Variants in INSYN2B observed in about 807,000 individuals in gnomAD.
INSYN2B encodes the protein inhibitory synaptic factor family member 2B, also known as protein INSYN2B.
INSYN2B carries 16 observed loss-of-function variants against 41.2 expected under a neutral mutation model. That is an observed-to-expected ratio of 0.39 (90% confidence interval 0.26 to 0.59). The LOEUF is 0.59. INSYN2B is among the 20% of genes least tolerant of loss of function. The pLI is 0.57. For missense variants in INSYN2B, 608 were observed against 646.4 expected (o/e 0.94, Z 0.64); for synonymous variants, 245 against 244.4 (o/e 1.00, Z -0.02).
chr5:169,961,978 C>CAAAAAAAAAAAAAA (rs70979150), intron 1 of INSYN2B, among the ~76,000 whole-genome samples: 1,994 of 74,530 alleles, frequency 0.027, 624 homozygotes, highest in African/African-American at 0.06. Context: ...GACTCTGTCC[C>CAAAAAAAAAAAAAA]AAAAAAAAAA....
chr5:169,970,996 G>T (rs538710282), intron 1 of INSYN2B, among the ~76,000 whole-genome samples: 1 of 152,006 alleles, frequency 6.6e-6, no homozygotes, highest in African/African-American at 2.4e-5. Flanking sequence ...GTGGGGCAGC[G>T]GGGGGAGGAC....
intron 1 of INSYN2B, among the ~76,000 whole-genome samples, chr5:169,917,224 C>A (rs560416381): frequency 6.6e-6 from 1 of 152,318 alleles, no homozygotes; most frequent in Admixed American, 6.5e-5. Context: ...GTCATTCTCA[C>A]TAGGGTTGAT....
At chr5:169,939,438 A>T (rs1776139949) in intron 1 of INSYN2B, among the ~76,000 whole-genome samples, 1 of 152,122 alleles carries the variant, frequency 6.6e-6, no homozygotes, top group South Asian at 2.1e-4. Flanking sequence ...TTTTATAGTT[A>T]ATTTTTATTA....
intron 1 of INSYN2B, among the ~76,000 whole-genome samples, chr5:169,968,943 G>A (rs891682991): frequency 6.6e-6 from 1 of 152,170 alleles, no homozygotes; most frequent in African/African-American, 2.4e-5. Context: ...GAGTCTAGGA[G>A]TTTGAGACTA....
intron 1 of INSYN2B, among the ~76,000 whole-genome samples, chr5:169,935,032 G>A (rs746873870): frequency 2.6e-5 from 4 of 152,130 alleles, no homozygotes; most frequent in South Asian, 2.1e-4. Context: ...TTGGGAAGGC[G>A]GGAAAATTAA....
At chr5:169,972,166 T>C (rs1336190815) in intron 1 of INSYN2B, among the ~76,000 whole-genome samples, 1 of 152,242 alleles carries the variant, frequency 6.6e-6, no homozygotes, top group Admixed American at 6.5e-5. Context: ...TCTCTATCAA[T>C]CTTGTAGTTT....
At chr5:169,902,852 C>A (rs1774007208) in intron 1 of INSYN2B, among the ~76,000 whole-genome samples, 2 of 152,102 alleles carry the variant, frequency 1.3e-5, no homozygotes, top group Non-Finnish European at 2.9e-5. Flanking sequence ...GTAATCCCAA[C>A]AGTTTGGGAG....
intron 3 of INSYN2B, among the ~76,000 whole-genome samples, chr5:169,876,924 T>C (rs1481416172): frequency 6.6e-6 from 1 of 152,218 alleles, no homozygotes; most frequent in East Asian, 1.9e-4. Flanking sequence ...TATGAGACAC[T>C]GATCCATGAC....
At chr5:169,935,723 T>C (rs1041538410) in intron 1 of INSYN2B, among the ~76,000 whole-genome samples, 3 of 152,220 alleles carry the variant, frequency 2.0e-5, no homozygotes, top group Non-Finnish European at 4.4e-5. Flanking sequence ...TGCTACATTA[T>C]GTCTTAAAAC....
At chr5:169,960,643 C>T (rs893036984) in intron 1 of INSYN2B, among the ~76,000 whole-genome samples, 3 of 152,220 alleles carry the variant, frequency 2.0e-5, no homozygotes, top group Non-Finnish European at 2.9e-5. Context: ...TCATTAGTCA[C>T]CTGTACTTGT....
rs577395351 is a variant in INSYN2B at position 169,956,039 on chromosome 5, G to GAAAA, written c.-919+24234_-919+24237dup. Among the ~76,000 whole-genome samples, 1,071 of 132,860 alleles carry GAAAA rather than the reference G, an allele frequency of 8.1e-3. 49 individuals carry two copies. In the East Asian group the frequency reaches 0.13, roughly 17 times the overall value. The allele number at this position is 132,860 out of a possible 152,430, so 87.2% of individuals were successfully genotyped here. On this transcript the variant is annotated intron_variant, in intron 1 of 3. Transcript: ENST00000377365. ...TCAAATGTGGGGGAGACATAGATTT[G>GAAAA]AAAAAAAAAAAAAAGAGCCCAGGCT...
intron 1 of INSYN2B, among the ~76,000 whole-genome samples, chr5:169,920,106 C>A (rs923583231): frequency 2.0e-5 from 3 of 151,968 alleles, no homozygotes; most frequent in Non-Finnish European, 4.4e-5. Flanking sequence ...AAAGAAACAC[C>A]AAGAGATTGG....
intron 1 of INSYN2B, among the ~76,000 whole-genome samples, chr5:169,923,750 G>T (rs1775298038): frequency 6.6e-6 from 1 of 152,124 alleles, no homozygotes; most frequent in African/African-American, 2.4e-5. Flanking sequence ...ACTGTGTTTA[G>T]GTAAAAACAT....
rs1211717113 is a variant in INSYN2B, at chr5:169,863,655, G to A, written c.*618C>T. Among the ~76,000 whole-genome samples the A allele has an allele frequency of 6.6e-6, 1 of 152,240 alleles. No individual in the cohort carries two copies. The highest frequency in any genetic ancestry group is 6.5e-5 in the Admixed American group (1 of 15,292). ...CTCTGCCACAGGCAGAAAGGTGCAT[G>A]CACCATGAGATGACAGAGCCTTAAT... On this transcript the variant is annotated 3_prime_UTR_variant, in exon 4 of 4. Transcript: ENST00000377365.
chr5:169,968,601 T>C (rs1440639068), intron 1 of INSYN2B, among the ~76,000 whole-genome samples: 2 of 152,228 alleles, frequency 1.3e-5, no homozygotes, highest in Non-Finnish European at 2.9e-5. Flanking sequence ...AGATGGTTTT[T>C]GTTTTTCATT....
rs565799730 is a variant in INSYN2B, at chr5:169,894,804, C to T, written c.-918-9988G>A. Among the ~76,000 whole-genome samples the T allele has an allele frequency of 7.9e-5, 12 of 152,242 alleles. 1 individual carries two copies. In the South Asian group the frequency reaches 1.5e-3, roughly 18 times the overall value. On this transcript the variant is annotated intron_variant, in intron 1 of 3. Coordinates refer to ENST00000377365, the MANE Select transcript of INSYN2B (RefSeq NM_001129891.3). ...CACTGGGCCCCAGGTTACACAGAGACGGGACAAAATCCCAGGTTTTGAGAG... is the reference window on the plus strand; with the variant it reads ...CACTGGGCCCCAGGTTACACAGAGATGGGACAAAATCCCAGGTTTTGAGAG...
chr5:169,882,280 G>T (rs553806214), intron 2 of INSYN2B, among the ~76,000 whole-genome samples: 6 of 152,102 alleles, frequency 3.9e-5, no homozygotes, highest in East Asian at 1.9e-4. Flanking sequence ...AATCATTTTT[G>T]ATCTTACTGC....
intron 1 of INSYN2B, among the ~76,000 whole-genome samples, chr5:169,924,488 G>A (rs760512785): frequency 3.9e-5 from 6 of 152,086 alleles, no homozygotes; most frequent in Non-Finnish European, 7.4e-5. Flanking sequence ...TCATTTATTT[G>A]TTCCTGAGAA....
chr5:169,936,160 A>G (rs1280470814), intron 1 of INSYN2B, among the ~76,000 whole-genome samples: 1 of 152,226 alleles, frequency 6.6e-6, no homozygotes, highest in Admixed American at 6.5e-5. Flanking sequence ...GAACAAAATC[A>G]ACAATATTTG....
Sources: gnomAD v4.1 joint callset for allele counts (sites outside exome capture counted in the v4.1 genomes callset) on GRCh38, gnomAD v4.1.1 for gene constraint, MANE v1.5 for transcripts, NCBI Gene and HGNC (gene_info 2026-07-23, HGNC 2026-07-21) for gene names.